SPAG9: variants seen among roughly 807,000 people sequenced by gnomAD.
The protein encoded by SPAG9 is sperm associated antigen 9.
A neutral mutation model predicts 166.5 loss-of-function variants in SPAG9; 35 were observed. The ratio of observed to expected loss-of-function variants is 0.21; its 90% CI spans 0.16 to 0.28. The LOEUF (loss-of-function observed/expected upper bound fraction) is 0.28, where lower values mean the gene tolerates loss of function less well. SPAG9 is among the 10% of genes least tolerant of loss of function. The pLI, the probability that SPAG9 is intolerant of heterozygous loss-of-function variation, is 1.00. For missense variants in SPAG9, 1,235 were observed against 1,603.3 expected (o/e 0.77, Z 3.92); for synonymous variants, 534 against 565.5 (o/e 0.94, Z 0.79).
rs1254306255 is a variant in SPAG9 at position 51,047,225 on chromosome 17, T to C, written c.590+150A>G. 4 of 555,798 alleles carry C rather than the reference T, an allele frequency of 7.2e-6. No individual in the cohort carries two copies. In the East Asian group the frequency reaches 1.3e-4, roughly 18 times the overall value. The allele number at this position is 555,798 out of a possible 1,614,324, so 34.4% of individuals were successfully genotyped here. On this transcript the variant is annotated intron_variant, in intron 4 of 29. Coordinates refer to ENST00000262013, the MANE Select transcript of SPAG9 (RefSeq NM_001130528.3). ...GGTAAAAACCGTTTCTACTTTTCTG[T>C]GCTATTCTCTCCTGCAGCATTCCAA...
chr17:51,047,337 T>G (rs1169521062), intron 4 of SPAG9, 38 bp downstream of exon 4: 4 of 1,092,966 alleles, frequency 3.7e-6, no homozygotes, highest in Non-Finnish European at 4.0e-6. Context: ...ATTATTTATT[T>G]TACTTTTTCT....
intron 2 of SPAG9, among the ~76,000 whole-genome samples, chr17:51,057,922 T>C (rs776579955): frequency 2.6e-5 from 4 of 152,230 alleles, no homozygotes; most frequent in Admixed American, 1.3e-4. Context: ...TTTAATTCTA[T>C]GATTTTTATT....
At chr17:51,116,309 G>T (rs1017457240) in intron 1 of SPAG9, among the ~76,000 whole-genome samples, 8 of 152,162 alleles carry the variant, frequency 5.3e-5, no homozygotes, top group Non-Finnish European at 8.8e-5. Flanking sequence ...GCCTCCCAAA[G>T]TGCTGGGACT....
rs1280684926 is a variant in SPAG9 at position 50,966,514 on chromosome 17, A to G, written c.3851-127T>C. ...AAAACTTGTCTGACTTTCACTGGAG[A>G]GTAAATAGTAGAAGAAATACTAAGA... On this transcript the variant is annotated intron_variant, in intron 29 of 29. Coordinates refer to ENST00000262013, the MANE Select transcript of SPAG9 (RefSeq NM_001130528.3). 4.5e-6 allele frequency: 3 copies of G among 661,520 alleles called. No individual in the cohort carries two copies. The East Asian group carries it at 8.0e-5, about 18-fold the overall frequency. The allele number at this position is 661,520 out of a possible 1,614,324, so 41.0% of individuals were successfully genotyped here.
At chr17:51,040,803 G>A (rs1010018024) in intron 5 of SPAG9, among the ~76,000 whole-genome samples, 4 of 152,168 alleles carry the variant, frequency 2.6e-5, no homozygotes, top group Admixed American at 6.5e-5. Flanking sequence ...TCTACTCATT[G>A]CAGGTGGCCT....
At chr17:51,109,362 G>A (rs905244977) in intron 1 of SPAG9, among the ~76,000 whole-genome samples, 2 of 151,846 alleles carry the variant, frequency 1.3e-5, no homozygotes, top group African/African-American at 2.4e-5. Flanking sequence ...TCAGCCTCCG[G>A]AGTAGCTGGG....
chr17:50,963,055 T>C lies in SPAG9; in HGVS notation c.*3217A>G, dbSNP rs978423265. ...CCTCACAGAGATTTTAACCTGCATT[T>C]AAGAGTAAGTGTTAGGTTGAGGCAT... On this transcript the variant is annotated 3_prime_UTR_variant, in exon 30 of 30. Coordinates refer to ENST00000262013, the MANE Select transcript of SPAG9 (RefSeq NM_001130528.3). 2.0e-5 allele frequency: 3 copies of C among 152,232 alleles called. No homozygotes were observed. The highest frequency in any genetic ancestry group is 2.4e-5 in the African/African-American group (1 of 41,452). The allele number at this position is 152,232 out of a possible 1,614,324, so 9.4% of individuals were successfully genotyped here. A position where few individuals can be genotyped will look rare whatever the true frequency, so the allele number is the denominator to read the frequency against.
chr17:51,033,310 GAA>G (rs368879602), intron 5 of SPAG9, among the ~76,000 whole-genome samples: 18,335 of 86,852 alleles, frequency 0.21, 1,203 homozygotes, highest in Middle Eastern at 0.28. Flanking sequence ...GTCATTAAAT[GAA>G]AAAAAAAAAA....
At position 51,063,221 on chromosome 17, in the gene SPAG9, C is replaced by T. The variant is rs996763837; in HGVS notation, c.425-6739G>A. 7.8e-4 allele frequency among the ~76,000 whole-genome samples: 118 copies of T among 152,018 alleles called. 1 individual carries two copies. The highest frequency in any genetic ancestry group is 2.8e-3 in the African/African-American group (115 of 41,488). On this transcript the variant is annotated intron_variant, in intron 2 of 29. Coordinates refer to ENST00000262013, the MANE Select transcript of SPAG9 (RefSeq NM_001130528.3). ...GTCAGGAGTTCAAGACCAGCCTGGCCAACATGGCGAAACCCCATCTCTACA... is the reference window on the plus strand; with the variant it reads ...GTCAGGAGTTCAAGACCAGCCTGGCTAACATGGCGAAACCCCATCTCTACA...
At chr17:51,075,223 A>G (rs2047937497) in intron 2 of SPAG9, among the ~76,000 whole-genome samples, 1 of 139,574 alleles carries the variant, frequency 7.2e-6, no homozygotes, top group Non-Finnish European at 1.6e-5. Flanking sequence ...AAAAAAAAAG[A>G]AGAAGAAGAA....
At chr17:51,030,888 CA>C (rs1167760800) in intron 6 of SPAG9, 1 of 150,256 alleles carries the variant, frequency 6.7e-6, no homozygotes, top group East Asian at 2.0e-4. Context: ...CAGTGCCCAG[CA>C]TATCAAGCCT....
At position 50,990,450 on chromosome 17, in the gene SPAG9, C is replaced by T. The variant is rs1975446103; in HGVS notation, c.2617G>A (p.Glu873Lys). Reference protein sequence around the residue: ...GASPVMDKPPEMEAENSEVDE... With the variant: ...GASPVMDKPPKMEAENSEVDE... The stretch of plus-strand genomic sequence containing the variant: ...TGGCAGGTAAAGAGAATGGATATAC[C>T]TGGTGGTTTATCCATCACTGGAGAA... The change falls in exon 20 of 30, where the codon GAA becomes AAA. Residue 873 changes from glutamate (E) to lysine (K), a missense_variant and splice_region_variant. Around this residue, in one of 6 missense-constraint regions of SPAG9, gnomAD observed 493 missense variants for 559.4 expected, o/e 0.88. Transcript: ENST00000262013. The T allele has an allele frequency of 6.2e-7, 1 of 1,609,146 alleles. No homozygotes were observed. The highest frequency in any genetic ancestry group is 1.3e-5 in the African/African-American group (1 of 74,818).
chr17:51,072,008 G>A (rs1404107662), intron 2 of SPAG9, among the ~76,000 whole-genome samples: 2 of 152,118 alleles, frequency 1.3e-5, no homozygotes, highest in African/African-American at 2.4e-5. Context: ...TCATCTCAGT[G>A]CCCCTAAATA....
At chr17:50,983,636 T>C (rs1974817618) in intron 24 of SPAG9, among the ~76,000 whole-genome samples, 1 of 152,196 alleles carries the variant, frequency 6.6e-6, no homozygotes, top group Admixed American at 6.5e-5. Context: ...ACTAAATGCA[T>C]TTTACTTGTC....
chr17:50,994,688 GCA>G (rs1483448044), intron 18 of SPAG9, among the ~76,000 whole-genome samples: 4 of 152,188 alleles, frequency 2.6e-5, no homozygotes. Flanking sequence ...GGTTAACACT[GCA>G]GTGAGCCATG....
At chr17:51,097,413 G>T (rs1053295721) in intron 1 of SPAG9, among the ~76,000 whole-genome samples, 11 of 152,118 alleles carry the variant, frequency 7.2e-5, no homozygotes, top group Non-Finnish European at 1.3e-4. Flanking sequence ...GGGCAAGGTG[G>T]CACATGACTG....
intron 18 of SPAG9, 113 bp from the exon 19 acceptor site, chr17:50,994,048 T>A: frequency 9.7e-7 from 1 of 1,028,672 alleles, no homozygotes; most frequent in Non-Finnish European, 1.4e-6. Flanking sequence ...TCCAGATTAT[T>A]TGGAAGGGTA....
chr17:51,100,837 T>C lies in SPAG9; in HGVS notation c.303+19517A>G, dbSNP rs536075763. The stretch of plus-strand genomic sequence containing the variant: ...GGGAGGCTGAGGCAAGAGAATCGCT[T>C]GAACCTGGCGGGGCAGAGGTTGCGG... On this transcript the variant is annotated intron_variant, in intron 1 of 29. Coordinates refer to ENST00000262013, the MANE Select transcript of SPAG9 (RefSeq NM_001130528.3). Among the ~76,000 whole-genome samples the C allele has an allele frequency of 1.8e-4, 27 of 151,506 alleles. 1 individual carries two copies. In the East Asian group the frequency reaches 5.3e-3, roughly 30 times the overall value.
chr17:50,979,627 G>A, intron 26 of SPAG9, 119 bp downstream of exon 26: 1 of 912,492 alleles, frequency 1.1e-6, no homozygotes, highest in South Asian at 1.6e-5. Flanking sequence ...CTGCACCTGT[G>A]CATAGCCACT....
Sources: gnomAD v4.1 joint callset for allele counts (sites outside exome capture counted in the v4.1 genomes callset) on GRCh38, gnomAD v4.1.1 for gene constraint, gnomAD v4.1.1 regional missense constraint, MANE v1.5 for transcripts, NCBI Gene and HGNC (gene_info 2026-07-23, HGNC 2026-07-21) for gene names.